Variants in SCD observed in about 807,000 individuals in gnomAD.
SCD encodes stearoyl-CoA desaturase, also known as acyl-CoA desaturase.
Under a neutral mutation model 35.7 loss-of-function variants are expected in SCD, and 4 were observed. That is an observed-to-expected ratio of 0.11 (90% CI 0.06 to 0.26). SCD has a LOEUF of 0.26. Among genes scored for constraint, SCD ranks in the 10% least tolerant of loss-of-function variants. SCD has a pLI of 1.00. For missense variants in SCD, 282 were observed against 460.7 expected, an observed-to-expected ratio of 0.61 and a Z score of 3.55; for synonymous variants, 150 against 170.2, an observed-to-expected ratio of 0.88 and a Z score of 0.92.
At position 100,348,071 on chromosome 10, in the gene SCD, G is replaced by C. The variant is rs1393038445; in HGVS notation, c.35G>C (p.Ser12Thr). ...PAHLLQDDIS[S>T]SYTTTTTITA... ...TCTTCCTCCCCCTTCCAGATCTCTA[G>C]CTCCTATACCACCACCACCACCATT... is the stretch of plus-strand genomic sequence containing the variant. The change falls in exon 2 of 6, where the codon AGC becomes ACC. Residue 12 changes from serine to threonine, a missense_variant. Ser to Thr is a moderately conservative substitution (Grantham distance 58). This residue lies in a region of SCD where 77 missense variants were observed against 88.4 expected (regional missense o/e 0.87). Coordinates refer to ENST00000370355, the MANE Select transcript of SCD (RefSeq NM_005063.5). The C allele has an allele frequency of 2.5e-6, 4 of 1,613,216 alleles. No homozygotes were observed. In the African/African-American group the frequency reaches 5.3e-5, roughly 22 times the overall value.
intron 4 of SCD, among the ~76,000 whole-genome samples, chr10:100,354,901 G>T (rs1197227468): frequency 6.6e-6 from 1 of 152,170 alleles, no homozygotes; most frequent in Non-Finnish European, 1.5e-5. Context: ...ATTCAAAGAT[G>T]ATTATAGCCT....
intron 5 of SCD, among the ~76,000 whole-genome samples, chr10:100,359,755 TA>T (rs1384148624): frequency 6.6e-6 from 1 of 152,194 alleles, no homozygotes; most frequent in Non-Finnish European, 1.5e-5. Context: ...TATTAGCTCT[TA>T]GTAGCTATTC....
chr10:100,348,522 A>G (rs1443052821), intron 2 of SCD, among the ~76,000 whole-genome samples, 176 bp downstream of exon 2: 1 of 152,148 alleles, frequency 6.6e-6, no homozygotes, highest in African/African-American at 2.4e-5. Flanking sequence ...GGGGGTACTG[A>G]GATGCAGGAC....
chr10:100,357,478 G>A (rs898463547), intron 5 of SCD, among the ~76,000 whole-genome samples: 44 of 152,144 alleles, frequency 2.9e-4, no homozygotes, highest in African/African-American at 8.9e-4. Context: ...CTACCCTCTT[G>A]TCTCCTCTTG....
In SCD at chr10:100,363,211, T is replaced by C. The variant is rs201903818; in HGVS notation, c.*2278T>C. ...CTACAGCCTAGGGCAGACAATAGTATAGAAGTCTGGAAAAAAACAAAAACA... is the reference window on the plus strand; with the variant it reads ...CTACAGCCTAGGGCAGACAATAGTACAGAAGTCTGGAAAAAAACAAAAACA... On this transcript the variant is annotated 3_prime_UTR_variant, in exon 6 of 6. Transcript: ENST00000370355. 4 of 152,264 alleles carry C rather than the reference T, an allele frequency of 2.6e-5. No individual in the cohort carries two copies. Among genetic ancestry groups the C allele is most frequent in the Non-Finnish European group, 5.9e-5 (4 of 68,112 alleles). The allele number at this position is 152,264 out of a possible 1,614,324, so 9.4% of individuals were successfully genotyped here.
chr10:100,359,502 T>C (rs1215066695), intron 5 of SCD, among the ~76,000 whole-genome samples: 3 of 152,144 alleles, frequency 2.0e-5, no homozygotes, highest in Non-Finnish European at 4.4e-5. Flanking sequence ...GCCTGGCTAG[T>C]GCTTACACAC....
At chr10:100,351,418 G>A (rs1849871478) in intron 2 of SCD, among the ~76,000 whole-genome samples, 1 of 152,198 alleles carries the variant, frequency 6.6e-6, no homozygotes, top group Admixed American at 6.5e-5. Context: ...TATCTTGGGG[G>A]AGGTGGATGG....
At chr10:100,358,818 C>T (rs1849959405) in intron 5 of SCD, among the ~76,000 whole-genome samples, 1 of 151,104 alleles carries the variant, frequency 6.6e-6, no homozygotes, top group African/African-American at 2.4e-5. Flanking sequence ...GTCCCAGCTA[C>T]TCAGGAGGCT....
At chr10:100,354,347 C>A in intron 3 of SCD, 80 bp from the exon 4 acceptor site, 1 of 1,288,862 alleles carries the variant, frequency 7.8e-7, no homozygotes, top group Non-Finnish European at 1.1e-6. Flanking sequence ...GCGCCTTGGG[C>A]TCTTGATACC....
At chr10:100,355,079 C>T (rs1366254632) in intron 4 of SCD, among the ~76,000 whole-genome samples, 2 of 152,324 alleles carry the variant, frequency 1.3e-5, no homozygotes, top group East Asian at 3.8e-4. Flanking sequence ...TACAGGCACA[C>T]ACCGCCATGC....
Position 100,360,839 on chromosome 10 carries a change from C to T in SCD, c.986C>T (p.Ala329Val). Reference protein sequence around the residue: ...FTTFFIDCMAALGLAYDRKKV... With the variant: ...FTTFFIDCMAVLGLAYDRKKV... ...ACATTCTTCATTGATTGCATGGCCG[C>T]CCTCGGTCTGGCCTATGACCGGAAG... Residue 329 changes from alanine to valine, a missense_variant, in exon 6 of 6, where the codon GCC (alanine) becomes GTC (valine). Physicochemically the swap from Ala to Val is moderately conservative, Grantham distance 64. Around this residue, in one of 2 missense-constraint regions of SCD, gnomAD observed 205 missense variants for 372.3 expected, o/e 0.55. Coordinates refer to ENST00000370355, the MANE Select transcript of SCD (RefSeq NM_005063.5). 1 of 1,613,988 alleles carries T rather than the reference C, an allele frequency of 6.2e-7. No individual in the cohort carries two copies. The highest frequency in any genetic ancestry group is 8.5e-7 in the Non-Finnish European group (1 of 1,179,872).
rs200128911 is a variant in SCD, at chr10:100,364,054, G to C, written c.*3121G>C. 1 of 151,294 alleles carries C rather than the reference G, an allele frequency of 6.6e-6. No homozygotes were observed. Among genetic ancestry groups the C allele is most frequent in the Non-Finnish European group, 1.5e-5 (1 of 67,914 alleles). 9.4% of individuals were successfully genotyped at this position (151,294 alleles called of 1,614,324 possible). On this transcript the variant is annotated 3_prime_UTR_variant, in exon 6 of 6. Coordinates refer to ENST00000370355, the MANE Select transcript of SCD (RefSeq NM_005063.5). ...CATTCTGGAAACTTTTGTTAGGGCT[G>C]CTTTTCTTAAGTGCCCACATTTGAT...
chr10:100,353,540 G>A (rs1490992366), intron 3 of SCD, among the ~76,000 whole-genome samples: 4 of 147,614 alleles, frequency 2.7e-5, no homozygotes, highest in African/African-American at 5.1e-5. Flanking sequence ...AGCTGAGATC[G>A]CGCCACTGCA....
chr10:100,348,035 C>G, intron 1 of SCD, 29 bp from the exon 2 acceptor site: 2 of 1,606,486 alleles, frequency 1.2e-6, no homozygotes, highest in Non-Finnish European at 8.5e-7. Flanking sequence ...TGTCTCTTCT[C>G]CTGACTCTCC....
intron 4 of SCD, among the ~76,000 whole-genome samples, chr10:100,354,882 C>T (rs1849912035): frequency 6.6e-6 from 1 of 152,164 alleles, no homozygotes; most frequent in Non-Finnish European, 1.5e-5. Flanking sequence ...TGTCCTAGGA[C>T]AGTCATAGAT....
intron 2 of SCD, 87 bp downstream of exon 2, chr10:100,348,433 C>T (rs1371408124): frequency 1.5e-6 from 2 of 1,320,258 alleles, no homozygotes; most frequent in Admixed American, 4.3e-5. Context: ...GGACACCAGC[C>T]CCTCCCAGCC....
At position 100,352,265 on chromosome 10, in the gene SCD, C is replaced by T. The variant is rs927345130; in HGVS notation, c.311-101C>T. ...GGTAAAGCCAGTTCTCACCCAAAGCCTGACGAAGACAGTTTCTAGCATCCA... is the reference window on the plus strand; with the variant it reads ...GGTAAAGCCAGTTCTCACCCAAAGCTTGACGAAGACAGTTTCTAGCATCCA... On this transcript the variant is annotated intron_variant, in intron 2 of 5. Transcript: ENST00000370355. The surrounding 1 kb of genome is among the most constrained non-coding windows in gnomAD (Gnocchi z 4.2). 9 of 1,241,890 alleles carry T rather than the reference C, an allele frequency of 7.2e-6. No homozygotes were observed. The highest frequency in any genetic ancestry group is 7.9e-6 in the Non-Finnish European group (7 of 884,276). 76.9% of individuals were successfully genotyped at this position (1,241,890 alleles called of 1,614,324 possible). A position where few individuals can be genotyped will look rare whatever the true frequency, so the allele number is the denominator to read the frequency against.
chr10:100,348,311 T>G lies in SCD; in HGVS notation c.275T>G (p.Leu92Trp). 1 of 1,613,884 alleles carries G rather than the reference T, an allele frequency of 6.2e-7. No individual in the cohort carries two copies. The highest frequency in any genetic ancestry group is 8.5e-7 in the Non-Finnish European group (1 of 1,179,928). Residue 92 changes from leucine to tryptophan, a missense_variant, in exon 2 of 6, where the codon TTG (leucine) becomes TGG (tryptophan). By Grantham distance (61) the Leu-to-Trp change is moderately conservative. Coordinates refer to ENST00000370355, the MANE Select transcript of SCD (RefSeq NM_005063.5). Reference protein sequence around the residue: ...LHLGALYGITLIPTCKFYTWL... With the variant: ...LHLGALYGITWIPTCKFYTWL... Reference sequence around the variant, plus strand: ...TTGGGAGCCCTGTATGGGATCACTTTGATTCCTACCTGCAAGTTCTACACC... The same window carrying G: ...TTGGGAGCCCTGTATGGGATCACTTGGATTCCTACCTGCAAGTTCTACACC...
rs1227789618 is a variant in SCD, at chr10:100,363,369, G to C, written c.*2436G>C. ...CACTGTTGAGCCCCAGTGCTGGAAGGGAGGAAGGCCTTTCTTCTGTGTTAA... is the reference window on the plus strand; with the variant it reads ...CACTGTTGAGCCCCAGTGCTGGAAGCGAGGAAGGCCTTTCTTCTGTGTTAA... On this transcript the variant is annotated 3_prime_UTR_variant, in exon 6 of 6. Coordinates refer to ENST00000370355, the MANE Select transcript of SCD (RefSeq NM_005063.5). The C allele has an allele frequency of 6.6e-6, 1 of 152,284 alleles. No individual in the cohort carries two copies. The highest frequency in any genetic ancestry group is 1.5e-5 in the Non-Finnish European group (1 of 68,082). The allele number at this position is 152,284 out of a possible 1,614,324, so 9.4% of individuals were successfully genotyped here. A position where few individuals can be genotyped will look rare whatever the true frequency, so the allele number is the denominator to read the frequency against.
Sources: allele counts gnomAD v4.1 joint callset (sites outside exome capture counted in the v4.1 genomes callset), GRCh38; gene constraint gnomAD v4.1.1; regional missense constraint gnomAD v4.1.1; non-coding constraint Gnocchi (gnomAD v3.1); transcripts MANE v1.5; gene names NCBI Gene and HGNC (gene_info 2026-07-23, HGNC 2026-07-21).